TBC1D9B: variants seen among roughly 807,000 people sequenced by gnomAD.
The protein encoded by TBC1D9B is TBC1 domain family member 9B.
A neutral mutation model predicts 121.1 loss-of-function variants in TBC1D9B; 87 were observed. The observed-to-expected ratio is 0.72, with a 90% confidence interval of 0.60 to 0.86. The LOEUF is 0.86. Ranked by LOEUF, TBC1D9B falls within the 40% of genes least tolerant of loss-of-function variation. The pLI is 0.00. For synonymous variants in TBC1D9B, 668 were observed against 670.1 expected (o/e 1.00, Z 0.05); for missense variants, 1,540 against 1,628.6 (o/e 0.95, Z 0.94).
chr5:179,871,608 C>T (rs1180522001), intron 14 of TBC1D9B, 78 bp from the exon 15 acceptor site: 2 of 1,498,380 alleles, frequency 1.3e-6, no homozygotes, highest in East Asian at 2.3e-5. Context: ...GTGAGAGCAT[C>T]CTCGGCAGAC....
rs1760849736 is a variant in TBC1D9B at position 179,891,128 on chromosome 5, G to T, written c.1044+251C>A. Among the ~76,000 whole-genome samples, 1 of 152,244 alleles carries T rather than the reference G, an allele frequency of 6.6e-6. No homozygotes were observed. Among genetic ancestry groups the T allele is most frequent in the Admixed American group, 6.5e-5 (1 of 15,294 alleles). The stretch of plus-strand genomic sequence containing the variant: ...GAGACCCTGTCTCCACTAGGCAAGT[G>T]ACCTGAGAGGGCAAGCAGTGTGCCC... On this transcript the variant is annotated intron_variant, in intron 6 of 20. Coordinates refer to ENST00000355235, the MANE Select transcript of TBC1D9B (RefSeq NM_015043.4). This position sits in a 1 kb window ranked among gnomAD's most constrained non-coding sequence, Gnocchi z 4.3.
In TBC1D9B at chr5:179,902,674, G is replaced by T. The variant is rs1430271441; in HGVS notation, c.229+2028C>A. Among the ~76,000 whole-genome samples, 1 of 152,172 alleles carries T rather than the reference G, an allele frequency of 6.6e-6. No individual in the cohort carries two copies. Among genetic ancestry groups the T allele is most frequent in the Non-Finnish European group, 1.5e-5 (1 of 68,022 alleles). ...CGTACTTTTCTCTCCCCAGGGACGG[G>T]CAGCTCTTGCTGCCAGAGATGGAAA... On this transcript the variant is annotated intron_variant, in intron 2 of 20. Transcript: ENST00000355235. This position sits in a 1 kb window ranked among gnomAD's most constrained non-coding sequence, Gnocchi z 4.9.
At position 179,904,373 on chromosome 5, in the gene TBC1D9B, C is replaced by T. The variant is rs954059491; in HGVS notation, c.229+329G>A. On this transcript the variant is annotated intron_variant, in intron 2 of 20. Transcript: ENST00000355235. This position sits in a 1 kb window ranked among gnomAD's most constrained non-coding sequence, Gnocchi z 4.2. ...CCGAGTAGCTGGGACTACAGGCCTC[C>T]GCCACCACCCCCAGCTAATTTTTTG... 2.6e-5 allele frequency among the ~76,000 whole-genome samples: 4 copies of T among 152,008 alleles called. No homozygotes were observed. The highest frequency in any genetic ancestry group is 6.6e-5 in the Admixed American group (1 of 15,256).
At chr5:179,870,715 T>C in intron 15 of TBC1D9B, 2 of 678,932 alleles carry the variant, frequency 2.9e-6, no homozygotes, top group Non-Finnish European at 4.8e-6. Flanking sequence ...ACAGAGTCCT[T>C]GGCAGCCTGC....
intron 13 of TBC1D9B, 33 bp from the exon 14 acceptor site, chr5:179,873,023 C>T (rs1460755209): frequency 6.2e-7 from 1 of 1,613,840 alleles, no homozygotes; most frequent in Non-Finnish European, 8.5e-7. Context: ...GAGATCAAGC[C>T]AACTGCAGGG....
chr5:179,867,725 C>T lies in TBC1D9B; in HGVS notation c.2863+53G>A, dbSNP rs368508634. On this transcript the variant is annotated intron_variant, in intron 18 of 20. Coordinates refer to ENST00000355235, the MANE Select transcript of TBC1D9B (RefSeq NM_015043.4). ...CTGCCCGAGCCCCACAGGAAGGCGG[C>T]GGTGGCTGCAGAGTGCTGGCTGGGC... 4.6e-4 allele frequency: 734 copies of T among 1,603,342 alleles called. 1 individual carries two copies. The highest frequency in any genetic ancestry group is 5.7e-4 in the Admixed American group (34 of 59,626).
intron 7 of TBC1D9B, among the ~76,000 whole-genome samples, chr5:179,882,041 C>T (rs1442190419): frequency 6.7e-6 from 1 of 149,316 alleles, no homozygotes; most frequent in Non-Finnish European, 1.5e-5. Context: ...GCCTCCTGGG[C>T]TCAGGCAATT....
chr5:179,868,774 A>G (rs930869592), intron 17 of TBC1D9B: 1 of 152,464 alleles, frequency 6.6e-6, no homozygotes. Context: ...GGGTGAGTGT[A>G]GCGGGCATGG....
intron 2 of TBC1D9B, among the ~76,000 whole-genome samples, chr5:179,901,457 C>T (rs1201527694): frequency 1.3e-5 from 2 of 152,178 alleles, no homozygotes; most frequent in Admixed American, 6.5e-5. Flanking sequence ...ATCTCCTCCT[C>T]GCTGCCTGTG....
At chr5:179,903,134 AG>A (rs1761208465) in intron 2 of TBC1D9B, among the ~76,000 whole-genome samples, 2 of 152,162 alleles carry the variant, frequency 1.3e-5, no homozygotes, top group Admixed American at 1.3e-4. Context: ...CTGGAGAACA[AG>A]GGCACTGTGG....
At position 179,879,159 on chromosome 5, in the gene TBC1D9B, G is replaced by T; in HGVS notation, c.1455C>A (p.His485Gln). 1 of 1,605,852 alleles carries T rather than the reference G, an allele frequency of 6.2e-7. No individual in the cohort carries two copies. The highest frequency in any genetic ancestry group is 8.5e-7 in the Non-Finnish European group (1 of 1,179,528). ...EKMKEESWHI[H>Q]FFEYGRGVCM... ...ACACGCCACGCCCGTACTCGAAGAA[G>T]TGGATGTGCCATGACTCCTCTTTCA... is the stretch of plus-strand genomic sequence containing the variant. The change falls in exon 9 of 21, where the codon CAC becomes CAA. Residue 485 changes from histidine (H) to glutamine (Q), a missense_variant. By Grantham distance (24) the His-to-Gln change is conservative. Transcript: ENST00000355235.
chr5:179,898,843 G>A (rs927390669), intron 3 of TBC1D9B, among the ~76,000 whole-genome samples: 4 of 152,124 alleles, frequency 2.6e-5, no homozygotes, highest in African/African-American at 9.7e-5. Flanking sequence ...TTAAAATAAC[G>A]TTAGTTTTAT....
At chr5:179,903,116 C>A (rs778896362) in intron 2 of TBC1D9B, among the ~76,000 whole-genome samples, 1 of 152,218 alleles carries the variant, frequency 6.6e-6, no homozygotes, top group Non-Finnish European at 1.5e-5. Context: ...TCAAGGGAAA[C>A]CACTACCCTG....
chr5:179,865,920 A>G lies in TBC1D9B; in HGVS notation c.2864-32T>C. 5.0e-6 allele frequency: 8 copies of G among 1,613,604 alleles called. No homozygotes were observed. Among genetic ancestry groups the G allele is most frequent in the Non-Finnish European group, 6.8e-6 (8 of 1,179,576 alleles). ...AAACGCAAAAATAAAAAGAACATGAATAACATTCTGCTGTTGGGACTGCAA... is the reference window on the plus strand; with the variant it reads ...AAACGCAAAAATAAAAAGAACATGAGTAACATTCTGCTGTTGGGACTGCAA... On this transcript the variant is annotated intron_variant, in intron 18 of 20. Transcript: ENST00000355235. This position sits in a 1 kb window ranked among gnomAD's most constrained non-coding sequence, Gnocchi z 5.1.
At position 179,904,494 on chromosome 5, in the gene TBC1D9B, G is replaced by A. The variant is rs1255238999; in HGVS notation, c.229+208C>T. Reference sequence around the variant, plus strand: ...CCCGCCTCGGCCTCCCAAAGTGCTGGGATTACAGACGTGAGCCACCGCACC... The same window carrying A: ...CCCGCCTCGGCCTCCCAAAGTGCTGAGATTACAGACGTGAGCCACCGCACC... On this transcript the variant is annotated intron_variant, in intron 2 of 20. Transcript: ENST00000355235. The surrounding 1 kb of genome is among the most constrained non-coding windows in gnomAD (Gnocchi z 4.2). 6.6e-6 allele frequency among the ~76,000 whole-genome samples: 1 copy of A among 152,102 alleles called. No individual in the cohort carries two copies. Among genetic ancestry groups the A allele is most frequent in the Non-Finnish European group, 1.5e-5 (1 of 68,022 alleles).
At chr5:179,906,696 A>G (rs1761326191) in intron 1 of TBC1D9B, among the ~76,000 whole-genome samples, 2 of 152,194 alleles carry the variant, frequency 1.3e-5, no homozygotes, top group Non-Finnish European at 2.9e-5. Context: ...GGGAACACTG[A>G]GTGTTTCTGG....
At position 179,879,124 on chromosome 5, in the gene TBC1D9B, C is replaced by A; in HGVS notation, c.1490G>T (p.Arg497Leu). 6.2e-7 allele frequency: 1 copy of A among 1,607,590 alleles called. No individual in the cohort carries two copies. Among genetic ancestry groups the A allele is most frequent in the Non-Finnish European group, 8.5e-7 (1 of 1,179,744 alleles). The change falls in exon 9 of 21, where the codon CGC becomes CTC. Residue 497 changes from arginine to leucine, a missense_variant. Coordinates refer to ENST00000355235, the MANE Select transcript of TBC1D9B (RefSeq NM_015043.4). The stretch of plus-strand genomic sequence containing the variant: ...GACCAGTGCCCGCGTCTTGGCTGTG[C>A]GGTACATGCACACGCCACGCCCGTA... The part of the protein sequence containing the change: ...FEYGRGVCMY[R>L]TAKTRALVLK...
Position 179,866,036 on chromosome 5 carries a change from T to C in TBC1D9B, c.2864-148A>G, listed in dbSNP as rs548538493. The C allele has an allele frequency of 4.5e-6, 4 of 887,884 alleles. No individual in the cohort carries two copies. In the Admixed American group the frequency reaches 8.7e-5, roughly 19 times the overall value. 55.0% of individuals were successfully genotyped at this position (887,884 alleles called of 1,614,324 possible). ...AGCAGGTCTCCCATGCCACACCTCC[T>C]GCCTGGCCCGCCCAGCCCCGCCCTA... On this transcript the variant is annotated intron_variant, in intron 18 of 20. Coordinates refer to ENST00000355235, the MANE Select transcript of TBC1D9B (RefSeq NM_015043.4).
chr5:179,906,065 A>G (rs2113656314), intron 1 of TBC1D9B, among the ~76,000 whole-genome samples: 1 of 152,338 alleles, frequency 6.6e-6, no homozygotes, highest in South Asian at 2.1e-4. Context: ...TTTTTAGTAG[A>G]GACGGGGTTT....
Sources: allele counts gnomAD v4.1 joint callset (sites outside exome capture counted in the v4.1 genomes callset), GRCh38; gene constraint gnomAD v4.1.1; non-coding constraint Gnocchi (gnomAD v3.1); transcripts MANE v1.5; gene names NCBI Gene and HGNC (gene_info 2026-07-23, HGNC 2026-07-21).